SLC44A2: variants seen among roughly 807,000 people sequenced by gnomAD.
SLC44A2 encodes the protein choline transporter-like protein 2.
A neutral mutation model predicts 90.8 loss-of-function variants in SLC44A2; 57 were observed. The ratio of observed to expected loss-of-function variants is 0.63; its 90% CI spans 0.51 to 0.78. SLC44A2 has a LOEUF of 0.78. Ranked by LOEUF, SLC44A2 falls within the 30% of genes least tolerant of loss-of-function variation. The pLI is 0.00. For synonymous variants in SLC44A2, 355 were observed against 360.7 expected (o/e 0.98, Z 0.18); for missense variants, 794 against 919.7 (o/e 0.86, Z 1.77).
rs916451416 is a variant in SLC44A2 at position 10,611,828 on chromosome 19, A to G, written c.31+9267A>G. On this transcript the variant is annotated intron_variant, in intron 1 of 21. Coordinates refer to the SLC44A2 transcript ENST00000407327. ...CAGAATGAGACCCCATCTCAAATAT[A>G]CAAGTAAACAAATAAACTCTTACAT... 2.0e-5 allele frequency among the ~76,000 whole-genome samples: 3 copies of G among 152,146 alleles called. No individual in the cohort carries two copies. In the East Asian group the frequency reaches 5.8e-4, roughly 29 times the overall value.
chr19:10,612,823 A>T (rs1918343418), intron 1 of SLC44A2, among the ~76,000 whole-genome samples: 1 of 152,328 alleles, frequency 6.6e-6, no homozygotes, highest in South Asian at 2.1e-4. Flanking sequence ...CTTGTCCAAC[A>T]GCTCAATTTT....
At chr19:10,624,544 C>T (rs1165852919), upstream of SLC44A2, among the ~76,000 whole-genome samples, 3 of 152,246 alleles carry the variant, frequency 2.0e-5, no homozygotes, top group Admixed American at 2.0e-4. Flanking sequence ...CGACCTGCCT[C>T]AGCCTCCCAG....
At chr19:10,629,261 C>CTATTATTATTATCATTAT (rs2066967271) in intron 4 of SLC44A2, among the ~76,000 whole-genome samples, 1 of 144,364 alleles carries the variant, frequency 6.9e-6, no homozygotes, top group Non-Finnish European at 1.5e-5. Context: ...AGTTTTTAAA[C>CTATTATTATTATCATTAT]TATTATTATT....
chr19:10,615,431 A>G (rs989953809), intron 1 of SLC44A2, among the ~76,000 whole-genome samples: 17 of 151,362 alleles, frequency 1.1e-4, no homozygotes, highest in African/African-American at 3.6e-4. Context: ...AAAATTAGCC[A>G]GGCATGGTGG....
Position 10,638,228 on chromosome 19 carries a change from G to A in SLC44A2, c.1842G>A (p.Gly614=), listed in dbSNP as rs145248288. 4 of 1,613,862 alleles carry A rather than the reference G, an allele frequency of 2.5e-6. No individual in the cohort carries two copies. The highest frequency in any genetic ancestry group is 2.7e-5 in the African/African-American group (2 of 74,866). ...LGKLLIVGSV[G]ILAFFFFTHR... ...TCTTGCTTTCTTCTCCTTCTCCAGG[G>A]ATCCTGGCTTTCTTCTTCTTCACCC... Residue 614 remains glycine (G), a splice_region_variant and synonymous_variant, in exon 20 of 22, where the codon GGG becomes GGA. Transcript: ENST00000335757.
intron 21 of SLC44A2, chr19:10,642,774 G>GT (rs1234499689): frequency 1.4e-5 from 18 of 1,260,728 alleles, no homozygotes; most frequent in Non-Finnish European, 1.7e-5. Flanking sequence ...TTTTTTGTTT[G>GT]TTTTTTTCTT....
rs1198782842 is a variant in SLC44A2 at position 10,642,505 on chromosome 19, T to C, written c.2014+54T>C. On this transcript the variant is annotated intron_variant, in intron 21 of 21. Transcript: ENST00000335757. ...TGGGCCCCGAATCCCTTCTTTCCACTGGGCATCACATCACCCTCCAACGGG... is the reference window on the plus strand; with the variant it reads ...TGGGCCCCGAATCCCTTCTTTCCACCGGGCATCACATCACCCTCCAACGGG... 4 of 1,520,780 alleles carry C rather than the reference T, an allele frequency of 2.6e-6. No homozygotes were observed. In the African/African-American group the frequency reaches 4.1e-5, roughly 16 times the overall value. 94.2% of individuals were successfully genotyped at this position (1,520,780 alleles called of 1,614,324 possible).
chr19:10,612,731 G>A lies in SLC44A2; in HGVS notation c.31+10170G>A, dbSNP rs114792939. ...GGCAGGCTGTGGCAGTTCTCTTATC[G>A]CCCACGCCCACTGCACTTGGGTGGG... On this transcript the variant is annotated intron_variant, in intron 1 of 21. Coordinates refer to the SLC44A2 transcript ENST00000407327. Among the ~76,000 whole-genome samples the A allele has an allele frequency of 6.7e-3, 1,019 of 152,298 alleles. 11 individuals are homozygous for A. The highest frequency in any genetic ancestry group is 0.023 in the African/African-American group (965 of 41,574).
chr19:10,642,852 C>G (rs769006094), intron 21 of SLC44A2: 3 of 1,534,720 alleles, frequency 2.0e-6, no homozygotes, highest in African/African-American at 1.4e-5. Context: ...CCCTCCCTTC[C>G]CGACCACCCC....
At chr19:10,612,328 C>A (rs1044209747) in intron 1 of SLC44A2, among the ~76,000 whole-genome samples, 1 of 151,982 alleles carries the variant, frequency 6.6e-6, no homozygotes, top group African/African-American at 2.4e-5. Flanking sequence ...GCTATGATTG[C>A]GCCCCTGCAC....
At chr19:10,617,650 C>A (rs1040912827) in intron 1 of SLC44A2, among the ~76,000 whole-genome samples, 5 of 152,194 alleles carry the variant, frequency 3.3e-5, no homozygotes, top group African/African-American at 1.2e-4. Context: ...CTCCATGGCT[C>A]CCACGTACTC....
In SLC44A2 at chr19:10,615,051, T is replaced by G. The variant is rs142701517; in HGVS notation, c.32-11202T>G. 9.9e-3 allele frequency among the ~76,000 whole-genome samples: 1,486 copies of G among 149,820 alleles called. 21 individuals are homozygous for G. Among genetic ancestry groups the G allele is most frequent in the African/African-American group, 0.034 (1,384 of 40,940 alleles). ...CAAAAGTAATTGCGTTTTTTTTTTT[T>G]GCCATTCCTTTTAAGGGAAAAAATA... On this transcript the variant is annotated intron_variant, in intron 1 of 21. Coordinates refer to the SLC44A2 transcript ENST00000407327.
At position 10,643,520 on chromosome 19, in the gene SLC44A2, A is replaced by G; in HGVS notation, c.*135A>G. 3.7e-6 allele frequency: 4 copies of G among 1,067,298 alleles called. No individual in the cohort carries two copies. The South Asian group carries it at 7.0e-5, about 19-fold the overall frequency. The allele number at this position is 1,067,298 out of a possible 1,614,324, so 66.1% of individuals were successfully genotyped here. On this transcript the variant is annotated 3_prime_UTR_variant, in exon 22 of 22. Transcript: ENST00000335757. ...TGCCCCTCCCCATGAGCCAGATCCC[A>G]CCAGTTTCTGGACGTGGAGAGTCTG...
chr19:10,638,820 A>G (rs904892025), intron 20 of SLC44A2, among the ~76,000 whole-genome samples: 2 of 140,406 alleles, frequency 1.4e-5, no homozygotes, highest in Non-Finnish European at 3.1e-5. Flanking sequence ...TTTTTTTGAG[A>G]TGGAGTTTCA....
intron 1 of SLC44A2, among the ~76,000 whole-genome samples, chr19:10,616,252 A>G (rs2066854210): frequency 6.6e-6 from 1 of 152,080 alleles, no homozygotes; most frequent in African/African-American, 2.4e-5. Flanking sequence ...AGTGAGAAAG[A>G]CAGGGTCTCA....
intron 1 of SLC44A2, among the ~76,000 whole-genome samples, chr19:10,610,330 C>A (rs933602680): frequency 2.7e-5 from 4 of 147,984 alleles, no homozygotes; most frequent in Non-Finnish European, 6.0e-5. Flanking sequence ...CTTTTCTTTT[C>A]CTTTTTTTTT....
intron 1 of SLC44A2, among the ~76,000 whole-genome samples, chr19:10,612,852 C>T (rs1918344256): frequency 6.6e-6 from 1 of 152,202 alleles, no homozygotes; most frequent in African/African-American, 2.4e-5. Flanking sequence ...TTCTTCCACA[C>T]CATTGCCGCA....
chr19:10,627,652 C>G (rs528718248), intron 2 of SLC44A2, 70 bp from the exon 3 acceptor site: 33 of 1,531,830 alleles, frequency 2.2e-5, no homozygotes, highest in Non-Finnish European at 2.8e-5. Flanking sequence ...AGGGTGTTTG[C>G]AGAGGGCAGA....
intron 2 of SLC44A2, among the ~76,000 whole-genome samples, chr19:10,627,320 C>CAA (rs538878754): frequency 1.9e-4 from 21 of 110,822 alleles, no homozygotes; most frequent in African/African-American, 4.5e-4. Flanking sequence ...GATTCCCTCT[C>CAA]AAAAAAAAAA....
Sources: gnomAD v4.1 joint callset for allele counts (sites outside exome capture counted in the v4.1 genomes callset) on GRCh38, gnomAD v4.1.1 for gene constraint, MANE v1.5 for transcripts, NCBI Gene and HGNC (gene_info 2026-07-23, HGNC 2026-07-21) for gene names.